The following MERTK variants were observed in gnomAD, a reference collection of about 807,000 sequenced individuals.
MERTK encodes MER proto-oncogene, tyrosine kinase, also known as tyrosine-protein kinase Mer.
Under a neutral mutation model 99.3 loss-of-function variants are expected in MERTK, and 69 were observed. That is an observed-to-expected ratio of 0.70 (90% CI 0.57 to 0.85). The LOEUF is 0.85. Among genes scored for constraint, MERTK ranks in the 40% least tolerant of loss-of-function variants. The pLI is 0.00. For synonymous variants in MERTK, 426 were observed against 467.6 expected (o/e 0.91, Z 1.15); for missense variants, 1,125 against 1,249.4 (o/e 0.90, Z 1.50).
rs770131096 is a variant in MERTK, at chr2:111,968,211, G to A, written c.919G>A (p.Gly307Ser). ...CAGCATTCTGATCTCCTGGGTTCCT[G>A]GTTTTGATGGATACTCCCCGTTCAG... ...AHSILISWVP[G>S]FDGYSPFRNC... The change falls in exon 6 of 19, where the codon GGT (glycine) becomes AGT (serine). Residue 307 changes from glycine (G) to serine (S), a missense_variant. Gly to Ser is a moderately conservative substitution (Grantham distance 56, BLOSUM62 0). Coordinates refer to ENST00000295408, the MANE Select transcript of MERTK (RefSeq NM_006343.3). The A allele has an allele frequency of 1.2e-6, 2 of 1,614,006 alleles. No individual in the cohort carries two copies. The highest frequency in any genetic ancestry group is 1.7e-6 in the Non-Finnish European group (2 of 1,179,988).
chr2:111,918,557 A>T (rs1191393677), intron 1 of MERTK, among the ~76,000 whole-genome samples: 2 of 152,250 alleles, frequency 1.3e-5, no homozygotes, highest in South Asian at 2.1e-4. Flanking sequence ...GACAATTGGC[A>T]TGCTGCCAGT....
chr2:111,954,127 T>TA (rs1460122710), intron 4 of MERTK, among the ~76,000 whole-genome samples: 3 of 152,216 alleles, frequency 2.0e-5, no homozygotes, highest in African/African-American at 7.2e-5. Context: ...ACATGCAGGT[T>TA]AAAATCTACC....
chr2:111,974,496 G>A (rs1676198374), intron 6 of MERTK, among the ~76,000 whole-genome samples: 1 of 152,046 alleles, frequency 6.6e-6, no homozygotes, highest in Non-Finnish European at 1.5e-5. Flanking sequence ...AACGCTGGGT[G>A]TGGTGGCTCA....
intron 8 of MERTK, among the ~76,000 whole-genome samples, chr2:111,990,736 A>G (rs2104395506): frequency 6.6e-6 from 1 of 152,272 alleles, no homozygotes; most frequent in South Asian, 2.1e-4. Context: ...CAACTTATTT[A>G]CTTAGCATTT....
intron 7 of MERTK, among the ~76,000 whole-genome samples, chr2:111,977,769 T>C (rs1187376469): frequency 6.6e-6 from 1 of 152,214 alleles, no homozygotes; most frequent in Non-Finnish European, 1.5e-5. Context: ...CATTTTATTT[T>C]GGATAGTTTC....
At position 111,911,551 on chromosome 2, in the gene MERTK, G is replaced by A. The variant is rs146155740; in HGVS notation, c.61+12755G>A. Among the ~76,000 whole-genome samples, 201 of 152,000 alleles carry A rather than the reference G, an allele frequency of 1.3e-3. 2 individuals are homozygous for A. The East Asian group carries it at 0.031, about 23-fold the overall frequency. On this transcript the variant is annotated intron_variant, in intron 1 of 18. Transcript: ENST00000295408. ...TTACAGGTGCACACCACCATGCCCA[G>A]CTAATTTTTGTATTTTTAGTAAAGA...
rs1272298174 is a variant in MERTK, at chr2:111,950,829, C to T, written c.757+3262C>T. Among the ~76,000 whole-genome samples, 8 of 152,194 alleles carry T rather than the reference C, an allele frequency of 5.3e-5. No individual in the cohort carries two copies. The East Asian group carries it at 1.2e-3, about 22-fold the overall frequency. ...TACCTGCTGTGATTTTGTCTGCAAT[C>T]GTATTGTTTTTATAGATAAGTTTAG... is the stretch of plus-strand genomic sequence containing the variant. On this transcript the variant is annotated intron_variant, in intron 4 of 18. Coordinates refer to ENST00000295408, the MANE Select transcript of MERTK (RefSeq NM_006343.3).
intron 2 of MERTK, among the ~76,000 whole-genome samples, chr2:111,935,120 G>C (rs542992179): frequency 1.3e-5 from 2 of 152,208 alleles, no homozygotes; most frequent in South Asian, 2.1e-4. Context: ...TAGACACCAA[G>C]AAATAGAGAT....
chr2:111,942,299 C>T (rs1684878605), intron 2 of MERTK, among the ~76,000 whole-genome samples: 1 of 152,142 alleles, frequency 6.6e-6, no homozygotes, highest in South Asian at 2.1e-4. Flanking sequence ...GTAGAAGCAC[C>T]CCCTCTTCAG....
Position 111,950,226 on chromosome 2 carries a change from G to A in MERTK, c.757+2659G>A, listed in dbSNP as rs541107992. 1.3e-3 allele frequency among the ~76,000 whole-genome samples: 203 copies of A among 152,240 alleles called. 1 individual carries two copies. Among genetic ancestry groups the A allele is most frequent in the African/African-American group, 4.7e-3 (195 of 41,536 alleles). ...GCTGGGATTACAGGCATAAGCCACC[G>A]TGCCTGGCCAGTACATCATTTTTTA... On this transcript the variant is annotated intron_variant, in intron 4 of 18. Transcript: ENST00000295408.
At chr2:111,928,756 G>T (rs1178793995) in intron 1 of MERTK, among the ~76,000 whole-genome samples, 1 of 152,186 alleles carries the variant, frequency 6.6e-6, no homozygotes, top group Non-Finnish European at 1.5e-5. Context: ...AAAGTGCCAA[G>T]ATTACAGGTG....
chr2:111,940,115 T>G (rs13014944), intron 2 of MERTK, among the ~76,000 whole-genome samples: 31,730 of 151,958 alleles, frequency 0.21, 3,981 homozygotes, highest in Middle Eastern at 0.36. Context: ...TACTCTTTTT[T>G]TTTTCTACTT....
At chr2:111,902,652 A>G (rs1684065371) in intron 1 of MERTK, among the ~76,000 whole-genome samples, 1 of 151,950 alleles carries the variant, frequency 6.6e-6, no homozygotes, top group African/African-American at 2.4e-5. Context: ...TTCAGTTCAG[A>G]GGTTCTCCTT....
At chr2:111,941,984 A>G (rs1684873724) in intron 2 of MERTK, among the ~76,000 whole-genome samples, 1 of 152,052 alleles carries the variant, frequency 6.6e-6, no homozygotes, top group South Asian at 2.1e-4. Context: ...TGTGCCTCAT[A>G]GTTTCTCGGC....
At chr2:111,898,851 C>T (rs971863412) in intron 1 of MERTK, 55 bp downstream of exon 1, 14 of 1,529,570 alleles carry the variant, frequency 9.2e-6, no homozygotes, top group African/African-American at 1.4e-5. Flanking sequence ...CAGGAGGAAG[C>T]AGGGGCCTCT....
At chr2:112,014,830 G>T (rs575131399) in intron 15 of MERTK, among the ~76,000 whole-genome samples, 5 of 151,952 alleles carry the variant, frequency 3.3e-5, no homozygotes, top group African/African-American at 1.2e-4. Context: ...CTAGAGACGG[G>T]GTTTCACCAT....
chr2:111,994,577 A>G (rs1188428497), intron 9 of MERTK, 173 bp downstream of exon 9: 1 of 848,336 alleles, frequency 1.2e-6, no homozygotes, highest in Non-Finnish European at 2.0e-6. Context: ...AACCTGGGCA[A>G]TGGGCAACAT....
At chr2:112,012,300 T>TCC (rs1216773478) in intron 15 of MERTK, among the ~76,000 whole-genome samples, 1 of 85,600 alleles carries the variant, frequency 1.2e-5, no homozygotes, top group Admixed American at 1.2e-4. Flanking sequence ...TGCATTCACT[T>TCC]CCCCCCCACC....
intron 13 of MERTK, among the ~76,000 whole-genome samples, chr2:112,004,584 C>A (rs1438681810): frequency 6.6e-6 from 1 of 152,154 alleles, no homozygotes; most frequent in Non-Finnish European, 1.5e-5. Flanking sequence ...CAGCCAAGAA[C>A]CTGCTTTATC....
Sources: gnomAD v4.1 joint callset for allele counts (sites outside exome capture counted in the v4.1 genomes callset) on GRCh38, gnomAD v4.1.1 for gene constraint, MANE v1.5 for transcripts, NCBI Gene and HGNC (gene_info 2026-07-23, HGNC 2026-07-21) for gene names.